SLC9A7: variants seen among roughly 807,000 people sequenced by gnomAD.
SLC9A7 encodes sodium/hydrogen exchanger 7.
A neutral mutation model predicts 52.6 loss-of-function variants in SLC9A7; 19 were observed. The observed-to-expected ratio is 0.36, with a 90% confidence interval of 0.25 to 0.53. The LOEUF is 0.53. Among genes scored for constraint, SLC9A7 ranks in the 20% least tolerant of loss-of-function variants. The pLI, the probability that SLC9A7 is intolerant of heterozygous loss-of-function variation, is 0.91. For missense variants in SLC9A7, 455 were observed against 597.9 expected, an observed-to-expected ratio of 0.76 and a Z score of 2.49; for synonymous variants, 226 against 252.1, an observed-to-expected ratio of 0.90 and a Z score of 0.98.
chrX:46,607,142 A>G lies in SLC9A7; in HGVS notation c.1991T>C (p.Leu664Ser). 1 of 1,211,012 alleles carries G rather than the reference A, an allele frequency of 8.3e-7. No homozygotes were observed. The highest frequency in any genetic ancestry group is 1.8e-5 in the South Asian group (1 of 56,873). Residue 664 changes from leucine (L) to serine (S), a missense_variant, in exon 17 of 17, where the codon TTG becomes TCG. Transcript: ENST00000616978. Reference protein sequence around the residue: ...DFILTEGDLTLTYGDSTVTAN... With the variant: ...DFILTEGDLTSTYGDSTVTAN... ...AGTCACTGTGCTGTCCCCGTAGGTC[A>G]ATGTCAGGTCGCCTTCGGTCAGGAT... is the stretch of plus-strand genomic sequence containing the variant.
intron 1 of SLC9A7, among the ~76,000 whole-genome samples, chrX:46,726,449 G>C (rs965121322): frequency 4.2e-4 from 47 of 111,330 alleles, no homozygotes; most frequent in Non-Finnish European, 3.4e-4. Context: ...CCCAGACCAT[G>C]TGCCAGAACT....
chrX:46,668,792 A>G (rs916431137), intron 5 of SLC9A7, among the ~76,000 whole-genome samples: 10 of 111,528 alleles, frequency 9.0e-5, no homozygotes, highest in Non-Finnish European at 7.5e-5. Context: ...TAGCATTTCA[A>G]TTTTGCAAGA....
Position 46,637,003 on chromosome X carries a change from T to C in SLC9A7, c.1617-1355A>G, listed in dbSNP as rs1943331719. 2.7e-5 allele frequency among the ~76,000 whole-genome samples: 3 copies of C among 112,341 alleles called. No individual in the cohort carries two copies. In the Admixed American group the frequency reaches 2.8e-4, roughly 11 times the overall value. ...CAGAAAAACAAGCCAGATTCCTTAA[T>C]GTAAGATTCATTGTCTCTTGAGAAA... On this transcript the variant is annotated intron_variant, in intron 12 of 16. Coordinates refer to ENST00000616978, the MANE Select transcript of SLC9A7 (RefSeq NM_001257291.2).
intron 14 of SLC9A7, among the ~76,000 whole-genome samples, chrX:46,623,533 T>C: frequency 9.0e-6 from 1 of 111,245 alleles, no homozygotes; most frequent in Middle Eastern, 4.6e-3. Context: ...AAAAGCGACA[T>C]AGCACTCCAA....
At chrX:46,758,648 G>T (rs782406145) in intron 1 of SLC9A7, 57 bp downstream of exon 1, 2 of 851,276 alleles carry the variant, frequency 2.3e-6, no homozygotes, top group African/African-American at 4.2e-5. Flanking sequence ...CGCGGCGCCA[G>T]GAGGAGCGCG....
At chrX:46,613,553 A>G (rs1212673453) in intron 15 of SLC9A7, among the ~76,000 whole-genome samples, 159 bp from the exon 16 acceptor site, 2 of 112,622 alleles carry the variant, frequency 1.8e-5, no homozygotes, top group African/African-American at 6.5e-5. Context: ...AGTTTGAATC[A>G]AAGAGTAAGA....
intron 13 of SLC9A7, among the ~76,000 whole-genome samples, chrX:46,633,378 A>AAAAC (rs1161153065): frequency 1.0e-5 from 1 of 97,058 alleles, no homozygotes. Flanking sequence ...AAAAAAAAAA[A>AAAAC]AAACAGATCG....
chrX:46,646,996 C>T (rs1490522368), intron 11 of SLC9A7: 6 of 333,800 alleles, frequency 1.8e-5, no homozygotes, highest in East Asian at 7.8e-5. Context: ...ATCACAGGAG[C>T]GCCTCCAGAT....
At chrX:46,631,821 G>A (rs1190313254) in intron 13 of SLC9A7, among the ~76,000 whole-genome samples, 172 bp from the exon 14 acceptor site, 1 of 111,874 alleles carries the variant, frequency 8.9e-6, no homozygotes, top group Non-Finnish European at 1.9e-5. Flanking sequence ...GAAAGAGGTC[G>A]CATACCACTT....
At position 46,604,308 on chromosome X, in the gene SLC9A7, G is replaced by T. The variant is rs1164470300; in HGVS notation, c.*2644C>A. 8.9e-6 allele frequency: 1 copy of T among 112,187 alleles called. No individual in the cohort carries two copies. The highest frequency in any genetic ancestry group is 9.4e-5 in the Admixed American group (1 of 10,585). 9.2% of individuals were successfully genotyped at this position (112,187 alleles called of 1,213,427 possible). A position where few individuals can be genotyped will look rare whatever the true frequency, so the allele number is the denominator to read the frequency against. The stretch of plus-strand genomic sequence containing the variant: ...CTTCACTAGCCTAGTTGACCCTGAG[G>T]GCTCATGGGTTTGGATAGGTTGTTT... On this transcript the variant is annotated 3_prime_UTR_variant, in exon 17 of 17. Coordinates refer to ENST00000616978, the MANE Select transcript of SLC9A7 (RefSeq NM_001257291.2).
chrX:46,681,088 T>C (rs909844906), intron 2 of SLC9A7, among the ~76,000 whole-genome samples: 2 of 112,237 alleles, frequency 1.8e-5, no homozygotes, highest in Non-Finnish European at 3.8e-5. Context: ...AACATGTCTC[T>C]TTTCCCTCAA....
At chrX:46,607,329 G>A in intron 16 of SLC9A7, 126 bp from the exon 17 acceptor site, 1 of 790,856 alleles carries the variant, frequency 1.3e-6, no homozygotes, top group Non-Finnish European at 1.8e-6. Context: ...TGCCTGCCTT[G>A]AGCCTCTAGC....
In SLC9A7 at chrX:46,612,592, C is replaced by T. The variant is rs187495646; in HGVS notation, c.1929+697G>A. Among the ~76,000 whole-genome samples the T allele has an allele frequency of 3.2e-4, 36 of 111,366 alleles. No individual in the cohort carries two copies. In the East Asian group the frequency reaches 9.5e-3, roughly 30 times the overall value. On this transcript the variant is annotated intron_variant, in intron 16 of 16. Transcript: ENST00000616978. ...TTCATGTATTTCATCATTTAATGCT[C>T]CCAGCCAGCCTGTACTACTAGGCCC...
chrX:46,653,754 A>G, intron 7 of SLC9A7, 40 bp from the exon 8 acceptor site: 7 of 1,041,284 alleles, frequency 6.7e-6, no homozygotes, highest in Non-Finnish European at 9.4e-6. Flanking sequence ...AGGTACATGT[A>G]TCAGGGCCAC....
At chrX:46,725,401 C>T in intron 1 of SLC9A7, 1 of 1,186,201 alleles carries the variant, frequency 8.4e-7, no homozygotes, top group Admixed American at 2.2e-5. Context: ...TTTGCATCTT[C>T]CATCATATCC....
intron 1 of SLC9A7, among the ~76,000 whole-genome samples, chrX:46,683,844 T>G (rs993950434): frequency 1.8e-5 from 2 of 112,348 alleles, no homozygotes; most frequent in Non-Finnish European, 3.8e-5. Flanking sequence ...CTCATCTCAT[T>G]TTGCCATTAA....
chrX:46,644,704 T>C (rs1195182887), intron 11 of SLC9A7, among the ~76,000 whole-genome samples: 2 of 111,244 alleles, frequency 1.8e-5, no homozygotes, highest in African/African-American at 3.3e-5. Flanking sequence ...TTATTCACCA[T>C]GGGCAAGACT....
chrX:46,628,007 TACAC>T (rs1943161421), intron 14 of SLC9A7, among the ~76,000 whole-genome samples: 1 of 112,645 alleles, frequency 8.9e-6, no homozygotes, highest in Non-Finnish European at 1.9e-5. Context: ...TTTCACTACA[TACAC>T]ACAGACAGAC....
chrX:46,688,597 C>CAA (rs763251903), intron 1 of SLC9A7, among the ~76,000 whole-genome samples: 15 of 35,560 alleles, frequency 4.2e-4, no homozygotes, highest in African/African-American at 1.0e-3. Context: ...AACTCCGCCT[C>CAA]AAAAAAAAAA....
Sources: allele counts gnomAD v4.1 joint callset (sites outside exome capture counted in the v4.1 genomes callset), GRCh38; gene constraint gnomAD v4.1.1; transcripts MANE v1.5; gene names NCBI Gene and HGNC (gene_info 2026-07-23, HGNC 2026-07-21).